Variants in GRXCR1 observed in about 807,000 individuals in gnomAD.
The protein encoded by GRXCR1 is glutaredoxin domain-containing cysteine-rich protein 1.
Under a neutral mutation model 27.3 loss-of-function variants are expected in GRXCR1, and 27 were observed. The ratio of observed to expected loss-of-function variants is 0.99; its 90% CI spans 0.73 to 1.37. The LOEUF is 1.37. GRXCR1 is among the 40% of genes most tolerant of loss of function. GRXCR1 has a pLI of 0.00. For missense variants in GRXCR1, 379 were observed against 354.4 expected (o/e 1.07, Z -0.56); for synonymous variants, 122 against 131.1 (o/e 0.93, Z 0.47).
chr4:43,018,096 A>G (rs79761486), intron 2 of GRXCR1, among the ~76,000 whole-genome samples: 1 of 152,302 alleles, frequency 6.6e-6, no homozygotes, highest in East Asian at 1.9e-4. Flanking sequence ...TGTCCCCTGT[A>G]GGATCTTGCT....
rs1553940389 is a variant in GRXCR1 at position 42,938,868 on chromosome 4, G to GA, written c.385-24024_385-24023insA. ...TTCTGTTCCATTGGTCTACGTGTCT[G>GA]TTTTTTTTTTTGCCAGTACCATGCT... On this transcript the variant is annotated intron_variant, in intron 1 of 3. Coordinates refer to ENST00000399770, the MANE Select transcript of GRXCR1 (RefSeq NM_001080476.3). Among the ~76,000 whole-genome samples, 31 of 145,356 alleles carry GA rather than the reference G, an allele frequency of 2.1e-4. 1 individual carries two copies. The highest frequency in any genetic ancestry group is 7.5e-4 in the African/African-American group (30 of 39,912).
At chr4:42,929,773 C>T (rs1747261842) in intron 1 of GRXCR1, among the ~76,000 whole-genome samples, 1 of 151,894 alleles carries the variant, frequency 6.6e-6, no homozygotes. Context: ...CACCATTCCT[C>T]AAAATAATCC....
chr4:42,953,753 G>C (rs1747936123), intron 1 of GRXCR1, among the ~76,000 whole-genome samples: 1 of 151,966 alleles, frequency 6.6e-6, no homozygotes, highest in Non-Finnish European at 1.5e-5. Context: ...TGGATTTTTT[G>C]TTCATAGCAA....
chr4:42,994,570 C>G (rs1002385276), intron 2 of GRXCR1, among the ~76,000 whole-genome samples: 5 of 152,252 alleles, frequency 3.3e-5, no homozygotes, highest in Middle Eastern at 3.4e-3. Flanking sequence ...TGGACACAGT[C>G]TTTCTGTCAT....
At chr4:42,997,508 A>G (rs1247483076) in intron 2 of GRXCR1, among the ~76,000 whole-genome samples, 1 of 152,178 alleles carries the variant, frequency 6.6e-6, no homozygotes, top group African/African-American at 2.4e-5. Context: ...CTAACACTGG[A>G]GAGACTGCTC....
At chr4:42,934,171 A>G (rs1004391160) in intron 1 of GRXCR1, among the ~76,000 whole-genome samples, 3 of 151,766 alleles carry the variant, frequency 2.0e-5, no homozygotes, top group Admixed American at 2.0e-4. Flanking sequence ...GAGACAGTTA[A>G]CTGAAAACAT....
chr4:42,995,314 A>G (rs1175717721), intron 2 of GRXCR1, among the ~76,000 whole-genome samples: 1 of 152,188 alleles, frequency 6.6e-6, no homozygotes, highest in Non-Finnish European at 1.5e-5. Flanking sequence ...ACATTTTGGT[A>G]TTCCTGCTTT....
intron 2 of GRXCR1, among the ~76,000 whole-genome samples, chr4:42,970,633 T>G (rs1012688085): frequency 2.6e-5 from 4 of 152,174 alleles, no homozygotes; most frequent in African/African-American, 4.8e-5. Context: ...GTCCCAAGGC[T>G]GTACAGAGCA....
chr4:42,984,055 C>T (rs191642848), intron 2 of GRXCR1, among the ~76,000 whole-genome samples: 126 of 152,128 alleles, frequency 8.3e-4, no homozygotes, highest in Middle Eastern at 3.4e-3. Flanking sequence ...AGGCTGGTCT[C>T]GAACTCCTGA....
chr4:42,938,374 T>C (rs1747508107), intron 1 of GRXCR1, among the ~76,000 whole-genome samples: 1 of 152,042 alleles, frequency 6.6e-6, no homozygotes, highest in Non-Finnish European at 1.5e-5. Context: ...CTATTGTGAA[T>C]AGTGCTACAA....
intron 1 of GRXCR1, among the ~76,000 whole-genome samples, chr4:42,947,932 A>G (rs1747785990): frequency 6.6e-6 from 1 of 152,194 alleles, no homozygotes; most frequent in Non-Finnish European, 1.5e-5. Context: ...GCACACATCT[A>G]CTTGTGTATG....
At chr4:42,948,932 A>C (rs1054214633) in intron 1 of GRXCR1, among the ~76,000 whole-genome samples, 1 of 152,170 alleles carries the variant, frequency 6.6e-6, no homozygotes, top group Non-Finnish European at 1.5e-5. Context: ...TGTCCATTGA[A>C]ACCCATATGA....
chr4:42,935,875 A>G (rs114755199), intron 1 of GRXCR1, among the ~76,000 whole-genome samples: 1,797 of 152,022 alleles, frequency 0.012, 18 homozygotes, highest in African/African-American at 0.029. Context: ...AAGTGAGATA[A>G]TAGGTTTCTT....
At chr4:42,941,105 C>T (rs1471094500) in intron 1 of GRXCR1, among the ~76,000 whole-genome samples, 3 of 151,934 alleles carry the variant, frequency 2.0e-5, no homozygotes, top group East Asian at 3.9e-4. Context: ...ACTCTCTCTG[C>T]CTCAATTTCT....
At chr4:42,903,179 A>C in intron 1 of GRXCR1, among the ~76,000 whole-genome samples, 1 of 127,974 alleles carries the variant, frequency 7.8e-6, no homozygotes, top group Non-Finnish European at 1.7e-5. Flanking sequence ...CACATGTTTT[A>C]TTTAAAATAA....
chr4:43,025,792 C>G (rs1275210013), intron 3 of GRXCR1, among the ~76,000 whole-genome samples: 2 of 152,004 alleles, frequency 1.3e-5, no homozygotes, highest in African/African-American at 4.8e-5. Context: ...CTGGCTAACA[C>G]GGTGAAACCC....
At chr4:42,925,406 A>G (rs1307690498) in intron 1 of GRXCR1, among the ~76,000 whole-genome samples, 1 of 152,020 alleles carries the variant, frequency 6.6e-6, no homozygotes, top group Non-Finnish European at 1.5e-5. Context: ...AGCAAATAAG[A>G]AGTGAGGCAT....
At chr4:42,919,369 T>A (rs901925134) in intron 1 of GRXCR1, among the ~76,000 whole-genome samples, 8 of 152,164 alleles carry the variant, frequency 5.3e-5, no homozygotes, top group Non-Finnish European at 1.0e-4. Context: ...CATTGCTTGC[T>A]TATCTCCTGT....
chr4:42,958,212 G>A (rs560637876), intron 1 of GRXCR1, among the ~76,000 whole-genome samples: 3 of 152,082 alleles, frequency 2.0e-5, no homozygotes, highest in African/African-American at 7.2e-5. Flanking sequence ...TGTGTCTCTT[G>A]GCTGAATTCT....
Sources: allele counts gnomAD v4.1 joint callset (sites outside exome capture counted in the v4.1 genomes callset), GRCh38; gene constraint gnomAD v4.1.1; transcripts MANE v1.5; gene names NCBI Gene and HGNC (gene_info 2026-07-23, HGNC 2026-07-21).